NOX3: variants seen among roughly 807,000 people sequenced by gnomAD.
The protein encoded by NOX3 is NADPH oxidase catalytic subunit-like 3.
Under a neutral mutation model 76.7 loss-of-function variants are expected in NOX3, and 74 were observed. The observed-to-expected ratio is 0.96, with a 90% CI of 0.80 to 1.17. The LOEUF (loss-of-function observed/expected upper bound fraction) is 1.17. NOX3 is among the 50% of genes most tolerant of loss of function. NOX3 has a pLI of 0.00. For missense variants in NOX3, 695 were observed against 703.3 expected (o/e 0.99, Z 0.13); for synonymous variants, 263 against 261.1 (o/e 1.01, Z -0.07).
intron 8 of NOX3, among the ~76,000 whole-genome samples, chr6:155,429,951 T>C (rs372924002): frequency 1.3e-5 from 2 of 152,232 alleles, no homozygotes; most frequent in African/African-American, 2.4e-5. Flanking sequence ...CCAGAAGTTT[T>C]ACAGTCTAGC....
In NOX3 at chr6:155,400,689, C is replaced by T. The variant is rs1013055875; in HGVS notation, c.1581-3727G>A. Among the ~76,000 whole-genome samples the T allele has an allele frequency of 5.3e-5, 8 of 150,732 alleles. No homozygotes were observed. In the East Asian group the frequency reaches 7.8e-4, roughly 15 times the overall value. ...CTCCCAGTTAATTTGTAGCAGCCTA[C>T]GACATTACTTTTCTCTGTGTCCTAA... On this transcript the variant is annotated intron_variant, in intron 12 of 13. Coordinates refer to ENST00000159060, the MANE Select transcript of NOX3 (RefSeq NM_015718.3).
intron 6 of NOX3, among the ~76,000 whole-genome samples, chr6:155,437,193 G>T (rs1401567432): frequency 6.6e-6 from 1 of 152,156 alleles, no homozygotes; most frequent in Non-Finnish European, 1.5e-5. Context: ...TATTATATTT[G>T]CCATGAGTGC....
intron 4 of NOX3, among the ~76,000 whole-genome samples, chr6:155,451,503 C>A (rs1410049550): frequency 6.6e-6 from 1 of 152,146 alleles, no homozygotes; most frequent in South Asian, 2.1e-4. Context: ...ATTCATTATA[C>A]GTTTCTAATG....
At chr6:155,413,626 ACT>A (rs1478547838) in intron 10 of NOX3, among the ~76,000 whole-genome samples, 3 of 151,884 alleles carry the variant, frequency 2.0e-5, no homozygotes, top group Middle Eastern at 3.2e-3. Flanking sequence ...AATCTAAATT[ACT>A]CTTTGAAAAC....
chr6:155,413,217 AT>A (rs1776576310), intron 10 of NOX3, among the ~76,000 whole-genome samples: 1 of 152,132 alleles, frequency 6.6e-6, no homozygotes, highest in African/African-American at 2.4e-5. Flanking sequence ...AGGGAGTCAA[AT>A]GCTTAGGTGG....
In NOX3 at chr6:155,429,065, A is replaced by G. The variant is rs1353807205; in HGVS notation, c.892-18T>C. The G allele has an allele frequency of 1.3e-6, 2 of 1,526,498 alleles. No homozygotes were observed. Among genetic ancestry groups the G allele is most frequent in the Non-Finnish European group, 8.8e-7 (1 of 1,129,974 alleles). The allele number at this position is 1,526,498 out of a possible 1,614,324, so 94.6% of individuals were successfully genotyped here. On this transcript the variant is annotated intron_variant, in intron 8 of 13. Coordinates refer to ENST00000159060, the MANE Select transcript of NOX3 (RefSeq NM_015718.3). ...CTTACCACCTATGTGAGAGTGAGAG[A>G]GTTGTTTGCCTTTGTCCTCGAAATA...
chr6:155,414,095 T>C lies in NOX3; in HGVS notation c.1309-2735A>G, dbSNP rs556917223. On this transcript the variant is annotated intron_variant, in intron 10 of 13. Coordinates refer to ENST00000159060, the MANE Select transcript of NOX3 (RefSeq NM_015718.3). ...GCTTTGTGTGTTTTTCCCTCCGTAATTGACTTGTAAGTGACACTGGGCAGC... is the reference window on the plus strand; with the variant it reads ...GCTTTGTGTGTTTTTCCCTCCGTAACTGACTTGTAAGTGACACTGGGCAGC... Among the ~76,000 whole-genome samples the C allele has an allele frequency of 3.9e-5, 6 of 152,330 alleles. No homozygotes were observed. The East Asian group carries it at 9.6e-4, about 24-fold the overall frequency.
At chr6:155,396,346 C>T (rs1779137618) in intron 13 of NOX3, among the ~76,000 whole-genome samples, 1 of 152,112 alleles carries the variant, frequency 6.6e-6, no homozygotes, top group Admixed American at 6.5e-5. Flanking sequence ...GGTGTCTCTG[C>T]CATCAGGGAA....
At chr6:155,440,873 G>A (rs1366589388) in intron 5 of NOX3, among the ~76,000 whole-genome samples, 5 of 152,074 alleles carry the variant, frequency 3.3e-5, no homozygotes, top group Non-Finnish European at 7.4e-5. Context: ...GTCCCTTGGG[G>A]CGTTCCTAAT....
chr6:155,429,253 A>C (rs1776800467), intron 8 of NOX3, among the ~76,000 whole-genome samples: 1 of 152,228 alleles, frequency 6.6e-6, no homozygotes. Context: ...CCTCTCCTTC[A>C]GAGGGTGGCA....
intron 12 of NOX3, among the ~76,000 whole-genome samples, chr6:155,406,553 C>T (rs537523504): frequency 1.3e-5 from 2 of 152,278 alleles, no homozygotes; most frequent in African/African-American, 2.4e-5. Context: ...CGTTTTAAGC[C>T]TCTTACATGC....
intron 4 of NOX3, among the ~76,000 whole-genome samples, chr6:155,452,738 T>C (rs1005558343): frequency 9.8e-5 from 15 of 152,294 alleles, no homozygotes; most frequent in East Asian, 1.9e-4. Context: ...TCCTTATCGC[T>C]CAGATAGCCT....
chr6:155,447,354 C>T (rs1777078049), intron 4 of NOX3, among the ~76,000 whole-genome samples: 1 of 152,196 alleles, frequency 6.6e-6, no homozygotes, highest in South Asian at 2.1e-4. Context: ...TTATAACGTT[C>T]TTCTTCTCTG....
At chr6:155,435,983 C>A (rs1385171285) in intron 7 of NOX3, among the ~76,000 whole-genome samples, 16 of 152,144 alleles carry the variant, frequency 1.1e-4, no homozygotes, top group Non-Finnish European at 7.3e-5. Context: ...AGAAAGAAGG[C>A]AAGCTTATAA....
chr6:155,443,517 G>A lies in NOX3; in HGVS notation c.341-99C>T, dbSNP rs1777022778. On this transcript the variant is annotated intron_variant, in intron 4 of 13. Coordinates refer to ENST00000159060, the MANE Select transcript of NOX3 (RefSeq NM_015718.3). ...CTCTGTGCTCAAGTTTCTCTGTTCTGGTTTTTGTAATCTCCAAGGAAAAGT... is the reference window on the plus strand; with the variant it reads ...CTCTGTGCTCAAGTTTCTCTGTTCTAGTTTTTGTAATCTCCAAGGAAAAGT... 2.1e-6 allele frequency: 3 copies of A among 1,398,596 alleles called. No individual in the cohort carries two copies. In the Admixed American group the frequency reaches 7.3e-5, roughly 34 times the overall value. The allele number at this position is 1,398,596 out of a possible 1,614,324, so 86.6% of individuals were successfully genotyped here.
intron 12 of NOX3, among the ~76,000 whole-genome samples, chr6:155,400,421 G>T (rs954651856): frequency 4.6e-5 from 7 of 152,170 alleles, no homozygotes; most frequent in African/African-American, 1.7e-4. Flanking sequence ...AGTGCATTCT[G>T]CAAATAAAAT....
At chr6:155,397,964 T>C (rs1487338628) in intron 12 of NOX3, among the ~76,000 whole-genome samples, 1 of 152,212 alleles carries the variant, frequency 6.6e-6, no homozygotes, top group African/African-American at 2.4e-5. Context: ...GCTGCTCAAA[T>C]GCCTTGCAAC....
intron 4 of NOX3, among the ~76,000 whole-genome samples, chr6:155,450,725 G>A (rs1232226705): frequency 6.6e-6 from 1 of 152,162 alleles, no homozygotes; most frequent in Non-Finnish European, 1.5e-5. Context: ...GGGGATCCCT[G>A]GATCAAAGGC....
intron 12 of NOX3, among the ~76,000 whole-genome samples, chr6:155,406,098 C>T (rs922903777): frequency 1.6e-4 from 25 of 152,338 alleles, no homozygotes; most frequent in African/African-American, 5.5e-4. Context: ...GCCTTCAGAT[C>T]TTTCCTCAAA....
Sources: allele counts gnomAD v4.1 joint callset (sites outside exome capture counted in the v4.1 genomes callset), GRCh38; gene constraint gnomAD v4.1.1; transcripts MANE v1.5; gene names NCBI Gene and HGNC (gene_info 2026-07-23, HGNC 2026-07-21).